The following LMF1 variants were observed in gnomAD, a reference collection of about 807,000 sequenced individuals.
LMF1 encodes the protein lipase maturation factor 1.
Under a neutral mutation model 60.6 loss-of-function variants are expected in LMF1, and 68 were observed. The ratio of observed to expected loss-of-function variants is 1.12; its 90% CI spans 0.92 to 1.37. The LOEUF is 1.37. Among genes scored for constraint, LMF1 ranks in the 40% most tolerant of loss-of-function variants. LMF1 has a pLI of 0.00. For synonymous variants in LMF1, 418 were observed against 324.7 expected, an observed-to-expected ratio of 1.29 and a Z score of -3.09; for missense variants, 948 against 767.2, an observed-to-expected ratio of 1.24 and a Z score of -2.78.
At chr16:937,370 C>T (rs1318473704) in intron 2 of LMF1, among the ~76,000 whole-genome samples, 1 of 152,182 alleles carries the variant, frequency 6.6e-6, no homozygotes, top group African/African-American at 2.4e-5. Context: ...GACAGTGGGA[C>T]GTAGATTTTG....
At chr16:888,716 C>T (rs1003025334) in intron 5 of LMF1, among the ~76,000 whole-genome samples, 20 of 133,994 alleles carry the variant, frequency 1.5e-4, no homozygotes, top group Admixed American at 3.9e-4. Context: ...TGGCCATGCC[C>T]AGTCCAAGGC....
At chr16:964,293 CT>C (rs997938089) in intron 1 of LMF1, among the ~76,000 whole-genome samples, 58 of 125,256 alleles carry the variant, frequency 4.6e-4, no homozygotes, top group Middle Eastern at 4.1e-3. Context: ...GAAACTCTGT[CT>C]CAAAAAAAAA....
chr16:934,806 G>T (rs369054573), intron 2 of LMF1, among the ~76,000 whole-genome samples: 1 of 152,202 alleles, frequency 6.6e-6, no homozygotes, highest in Non-Finnish European at 1.5e-5. Flanking sequence ...AGGCAGAGCC[G>T]CGGGAAAGCA....
At chr16:979,478 C>A in intron 1 of LMF1, 1 of 366,928 alleles carries the variant, frequency 2.7e-6, no homozygotes, top group Non-Finnish European at 5.4e-6. Context: ...GGGAAAGGAG[C>A]AGGCGCTGTT....
intron 10 of LMF1, among the ~76,000 whole-genome samples, chr16:862,101 C>A (rs2069483121): frequency 6.6e-6 from 1 of 152,122 alleles, no homozygotes; most frequent in African/African-American, 2.4e-5. Context: ...ACGGAACCAA[C>A]CTTCATCCCT....
At chr16:871,725 A>G (rs1171482333) in intron 6 of LMF1, 1 of 200,994 alleles carries the variant, frequency 5.0e-6, no homozygotes, top group Admixed American at 5.5e-5. Context: ...GAGTCCAAAC[A>G]GAGGAGGCTG....
At chr16:922,496 A>G (rs986369589) in intron 3 of LMF1, among the ~76,000 whole-genome samples, 1 of 152,228 alleles carries the variant, frequency 6.6e-6, no homozygotes, top group Non-Finnish European at 1.5e-5. Flanking sequence ...GAGAAAAGGC[A>G]TTACTAACAT....
At chr16:926,476 G>A (rs901029908) in intron 3 of LMF1, among the ~76,000 whole-genome samples, 4 of 152,252 alleles carry the variant, frequency 2.6e-5, no homozygotes, top group African/African-American at 9.6e-5. Context: ...GTGTGTCTGT[G>A]TGTGCGCATG....
chr16:860,835 A>ATGTC (rs2151687530), intron 10 of LMF1, among the ~76,000 whole-genome samples: 1 of 152,270 alleles, frequency 6.6e-6, no homozygotes, highest in Admixed American at 6.5e-5. Context: ...ATGGAATTGC[A>ATGTC]TGTCTGTCCC....
At chr16:947,935 G>A (rs112530368) in intron 2 of LMF1, among the ~76,000 whole-genome samples, 1 of 151,580 alleles carries the variant, frequency 6.6e-6, no homozygotes, top group African/African-American at 2.4e-5. Context: ...GCCAACGACA[G>A]AGTCAGCCAA....
chr16:941,357 C>G (rs1469942720), intron 2 of LMF1, among the ~76,000 whole-genome samples: 2 of 152,052 alleles, frequency 1.3e-5, no homozygotes, highest in Admixed American at 1.3e-4. Context: ...GTGGCTGGGA[C>G]TACAGGCACG....
chr16:867,679 T>C (rs2069649856), intron 10 of LMF1, among the ~76,000 whole-genome samples: 2 of 152,132 alleles, frequency 1.3e-5, no homozygotes, highest in South Asian at 4.1e-4. Flanking sequence ...GGGCGCCAGC[T>C]AGGAGGGCGG....
At position 893,171 on chromosome 16, in the gene LMF1, G is replaced by C. The variant is rs1005766361; in HGVS notation, c.664-99C>G. ...CCAGGAAGACGAACCATCCACGAAG[G>C]CCGTGGATCTGGGCTGCAGGCGCTG... On this transcript the variant is annotated intron_variant, in intron 4 of 10. Coordinates refer to ENST00000262301, the MANE Select transcript of LMF1 (RefSeq NM_022773.4). The C allele has an allele frequency of 6.8e-6, 7 of 1,036,978 alleles. No homozygotes were observed. The East Asian group carries it at 1.6e-4, about 23-fold the overall frequency. The allele number at this position is 1,036,978 out of a possible 1,614,324, so 64.2% of individuals were successfully genotyped here. A position where few individuals can be genotyped will look rare whatever the true frequency, so the allele number is the denominator to read the frequency against.
intron 2 of LMF1, among the ~76,000 whole-genome samples, chr16:942,723 C>G (rs899819731): frequency 7.2e-6 from 1 of 138,776 alleles, no homozygotes; most frequent in Non-Finnish European, 1.6e-5. Flanking sequence ...GTATGTTAGA[C>G]CACCTAGTGC....
At chr16:862,859 CAAAAAATAAATA>C (rs2069503825) in intron 10 of LMF1, among the ~76,000 whole-genome samples, 1 of 151,930 alleles carries the variant, frequency 6.6e-6, no homozygotes, top group Non-Finnish European at 1.5e-5. Context: ...GAACCTGTCT[CAAAAAATAAATA>C]AATAAATAAA....
chr16:955,241 G>A (rs1207421338), intron 1 of LMF1, among the ~76,000 whole-genome samples: 26 of 99,174 alleles, frequency 2.6e-4, no homozygotes, highest in African/African-American at 5.8e-4. Context: ...CAGCAGACGT[G>A]GTGTGTGCAT....
At chr16:930,486 G>A (rs996167303) in intron 3 of LMF1, among the ~76,000 whole-genome samples, 3 of 151,638 alleles carry the variant, frequency 2.0e-5, no homozygotes, top group South Asian at 2.1e-4. Flanking sequence ...GCCTGAGCCC[G>A]GGAGGTCAAG....
chr16:978,096 C>T (rs56377709), intron 1 of LMF1, among the ~76,000 whole-genome samples: 70,769 of 136,964 alleles, frequency 0.52, 20,379 homozygotes, highest in African/African-American at 0.76. Context: ...CAAACACACA[C>T]GGACACACAC....
upstream of LMF1, chr16:971,072 C>T: frequency 7.7e-7 from 1 of 1,307,052 alleles, no homozygotes; most frequent in Non-Finnish European, 9.9e-7. Context: ...CGGCCCTGCC[C>T]ACGGCCGAAG....
Sources: gnomAD v4.1 joint callset for allele counts (sites outside exome capture counted in the v4.1 genomes callset) on GRCh38, gnomAD v4.1.1 for gene constraint, MANE v1.5 for transcripts, NCBI Gene and HGNC (gene_info 2026-07-23, HGNC 2026-07-21) for gene names.